The following PPHLN1 variants were observed in gnomAD, a reference collection of about 807,000 sequenced individuals.
The protein encoded by PPHLN1 is periphilin-1.
In PPHLN1, 29 loss-of-function variants were observed where a neutral mutation model predicts 51.3. That is an observed-to-expected ratio of 0.57 (90% CI 0.42 to 0.77). The LOEUF (loss-of-function observed/expected upper bound fraction) is 0.77, where lower values mean the gene tolerates loss of function less well. Ranked by LOEUF, PPHLN1 falls within the 30% of genes least tolerant of loss-of-function variation. PPHLN1 has a pLI of 0.00. For synonymous variants in PPHLN1, 147 were observed against 147.8 expected (o/e 0.99, Z 0.04); for missense variants, 436 against 438.4 (o/e 0.99, Z 0.05).
chr12:42,358,776 C>T (rs1048458445), intron 4 of PPHLN1, among the ~76,000 whole-genome samples: 16 of 152,232 alleles, frequency 1.1e-4, no homozygotes, highest in African/African-American at 3.9e-4. Context: ...GCTGGTCACT[C>T]TGTTTACAGT....
chr12:42,341,415 T>C (rs1248856854), intron 2 of PPHLN1, among the ~76,000 whole-genome samples: 1 of 152,182 alleles, frequency 6.6e-6, no homozygotes, highest in Non-Finnish European at 1.5e-5. Flanking sequence ...AGGTACCTTC[T>C]GTAGTAGTAT....
intron 8 of PPHLN1, among the ~76,000 whole-genome samples, chr12:42,395,998 T>C (rs11181478): frequency 0.12 from 18,578 of 152,222 alleles, 1,382 homozygotes; most frequent in South Asian, 0.2. Context: ...TTTTCAGTTT[T>C]ATACTTTCAT....
chr12:42,441,990 A>G lies in PPHLN1; in HGVS notation c.*481A>G, dbSNP rs2083004280. The G allele has an allele frequency of 1.0e-6, 1 of 963,320 alleles. No homozygotes were observed. 59.7% of individuals were successfully genotyped at this position (963,320 alleles called of 1,614,324 possible). ...TTGCTTTGAGAGTAATTCTCATTCA[A>G]TGATAAAATAGAGCACTTAAATCTC... On this transcript the variant is annotated 3_prime_UTR_variant, in exon 10 of 10. Coordinates refer to ENST00000358314, the MANE Select transcript of PPHLN1 (RefSeq NM_201439.2).
chr12:42,405,442 A>G (rs1163018646), intron 9 of PPHLN1, among the ~76,000 whole-genome samples: 1 of 152,244 alleles, frequency 6.6e-6, no homozygotes, highest in African/African-American at 2.4e-5. Context: ...GCACTAAGAA[A>G]ATCTCATGTT....
At chr12:42,387,318 C>G (rs2139056379) in intron 6 of PPHLN1, 138 bp from the exon 7 acceptor site, 1 of 858,330 alleles carries the variant, frequency 1.2e-6, no homozygotes, top group Non-Finnish European at 1.7e-6. Flanking sequence ...AGATATTAAC[C>G]TATTTAATGT....
At chr12:42,391,220 G>A (rs957352708) in intron 7 of PPHLN1, among the ~76,000 whole-genome samples, 2 of 152,086 alleles carry the variant, frequency 1.3e-5, no homozygotes, top group African/African-American at 2.4e-5. Flanking sequence ...ATGACAATAA[G>A]TTATAGTAGG....
intron 4 of PPHLN1, among the ~76,000 whole-genome samples, chr12:42,358,128 A>G (rs2074246061): frequency 2.0e-5 from 3 of 152,136 alleles, no homozygotes; most frequent in East Asian, 3.8e-4. Flanking sequence ...CCAGTCATCC[A>G]TTGACGGACA....
intron 4 of PPHLN1, among the ~76,000 whole-genome samples, chr12:42,365,641 A>T (rs952698110): frequency 6.6e-6 from 1 of 152,196 alleles, no homozygotes; most frequent in Non-Finnish European, 1.5e-5. Flanking sequence ...CAAGGACCAC[A>T]TTTTGAGAGA....
At chr12:42,361,162 G>T (rs1190564301) in intron 4 of PPHLN1, 1 of 152,338 alleles carries the variant, frequency 6.6e-6, no homozygotes, top group Non-Finnish European at 1.5e-5. Context: ...TCATGAATGG[G>T]ATTGGTGCCT....
chr12:42,414,247 C>G (rs1019636812), intron 9 of PPHLN1, among the ~76,000 whole-genome samples: 1 of 152,060 alleles, frequency 6.6e-6, no homozygotes, highest in Non-Finnish European at 1.5e-5. Context: ...GTTGGCCAGG[C>G]TGGTCCGGAA....
chr12:42,356,509 C>T (rs2074063387), intron 4 of PPHLN1, among the ~76,000 whole-genome samples: 1 of 152,176 alleles, frequency 6.6e-6, no homozygotes, highest in Non-Finnish European at 1.5e-5. Flanking sequence ...ATTTAATTGT[C>T]TCTGTAACCA....
At position 42,375,047 on chromosome 12, in the gene PPHLN1, T is replaced by C; in HGVS notation, c.484T>C (p.Tyr162His). The change falls in exon 5 of 10, where the codon TAC (tyrosine) becomes CAC (histidine). Residue 162 changes from tyrosine (Y) to histidine (H), a missense_variant. Transcript: ENST00000358314. ...RSYSPERSKSYSFHQSQHRKS... is the reference protein window; with the variant it reads ...RSYSPERSKSHSFHQSQHRKS... ...CTACTCTCCAGAAAGGAGCAAATCA[T>C]ACTCTTTCCATCAGTCTCAACATAG... 3.1e-6 allele frequency: 5 copies of C among 1,612,346 alleles called. No homozygotes were observed. The highest frequency in any genetic ancestry group is 4.2e-6 in the Non-Finnish European group (5 of 1,178,708).
intron 5 of PPHLN1, among the ~76,000 whole-genome samples, chr12:42,377,460 C>T (rs1766702428): frequency 6.6e-6 from 1 of 151,950 alleles, no homozygotes; most frequent in African/African-American, 2.4e-5. Flanking sequence ...TGTGCACCAC[C>T]ACGCCCAGGT....
At chr12:42,403,604 G>T (rs2079028908) in intron 9 of PPHLN1, among the ~76,000 whole-genome samples, 1 of 152,172 alleles carries the variant, frequency 6.6e-6, no homozygotes, top group African/African-American at 2.4e-5. Flanking sequence ...GAAGCTTGAT[G>T]AATCTGTTAA....
intron 1 of PPHLN1, among the ~76,000 whole-genome samples, chr12:42,328,524 A>T (rs1226077498): frequency 1.3e-5 from 2 of 152,180 alleles, no homozygotes; most frequent in Non-Finnish European, 2.9e-5. Flanking sequence ...ATTTATAAAT[A>T]TTATATGTAG....
intron 1 of PPHLN1, among the ~76,000 whole-genome samples, chr12:42,335,511 C>T (rs557881433): frequency 2.6e-5 from 4 of 152,050 alleles, no homozygotes; most frequent in South Asian, 4.2e-4. Context: ...ATAACTTTGC[C>T]GATCAGCCAT....
At position 42,358,258 on chromosome 12, in the gene PPHLN1, AC is replaced by A. The variant is rs2074260298; in HGVS notation, c.299+3037del. On this transcript the variant is annotated intron_variant, in intron 4 of 9. Transcript: ENST00000358314. ...TTATAACATTTTGTGTATGTATATAACATTTTACATAAATGAAATAAAAACA... is the reference window on the plus strand; with the variant it reads ...TTATAACATTTTGTGTATGTATATAAATTTTACATAAATGAAATAAAAACA... Among the ~76,000 whole-genome samples, 4 of 152,166 alleles carry A rather than the reference AC, an allele frequency of 2.6e-5. No homozygotes were observed. In the South Asian group the frequency reaches 8.3e-4, roughly 31 times the overall value.
At chr12:42,368,241 G>T (rs1308498457) in intron 4 of PPHLN1, among the ~76,000 whole-genome samples, 1 of 151,882 alleles carries the variant, frequency 6.6e-6, no homozygotes, top group Non-Finnish European at 1.5e-5. Flanking sequence ...TGGGTGGGTG[G>T]GGGATCTTTT....
intron 7 of PPHLN1, among the ~76,000 whole-genome samples, chr12:42,390,804 TC>T (rs1013749603): frequency 1.3e-5 from 2 of 150,942 alleles, no homozygotes; most frequent in Non-Finnish European, 2.9e-5. Context: ...ATTTTTTTTT[TC>T]ACAGACCGTG....
Sources: allele counts gnomAD v4.1 joint callset (sites outside exome capture counted in the v4.1 genomes callset), GRCh38; gene constraint gnomAD v4.1.1; transcripts MANE v1.5; gene names NCBI Gene and HGNC (gene_info 2026-07-23, HGNC 2026-07-21).